Variants in LPP observed in about 807,000 individuals in gnomAD.
The protein encoded by LPP is lipoma-preferred partner.
A neutral mutation model predicts 60.4 loss-of-function variants in LPP; 38 were observed. The observed-to-expected ratio is 0.63, with a 90% CI of 0.49 to 0.83. The LOEUF is 0.83. LPP is among the 40% of genes least tolerant of loss of function. The pLI is 0.00. For missense variants in LPP, 902 were observed against 783.6 expected, an observed-to-expected ratio of 1.15 and a Z score of -1.80; for synonymous variants, 328 against 290.8, an observed-to-expected ratio of 1.13 and a Z score of -1.30.
chr3:188,170,807 A>C (rs1721381878), intron 1 of LPP, among the ~76,000 whole-genome samples: 1 of 152,108 alleles, frequency 6.6e-6, no homozygotes, highest in Non-Finnish European at 1.5e-5. Flanking sequence ...CATCTAAGGC[A>C]AGGTACCCTT....
chr3:188,650,789 T>C (rs1399746), intron 7 of LPP, among the ~76,000 whole-genome samples: 151,177 of 152,328 alleles, frequency 0.99, 75,025 homozygotes, highest in East Asian at 1. Context: ...AAACTATAAT[T>C]CATAGGCAAA....
At chr3:188,345,589 G>T (rs751960550) in intron 3 of LPP, among the ~76,000 whole-genome samples, 2 of 152,128 alleles carry the variant, frequency 1.3e-5, no homozygotes, top group Non-Finnish European at 2.9e-5. Context: ...CAAGGCCTGC[G>T]ATTCCCAATT....
intron 7 of LPP, among the ~76,000 whole-genome samples, chr3:188,673,055 G>T (rs114479334): frequency 0.028 from 4,282 of 151,758 alleles, 84 homozygotes; most frequent in South Asian, 0.089. Context: ...GTGCAACATG[G>T]TCTGTCTGTT....
At chr3:188,264,061 A>G (rs1734595357) in intron 2 of LPP, among the ~76,000 whole-genome samples, 1 of 152,290 alleles carries the variant, frequency 6.6e-6, no homozygotes, top group East Asian at 1.9e-4. Flanking sequence ...TCTTGTACAT[A>G]TCACCTTCGA....
At chr3:188,757,884 T>C (rs1286156434) in intron 8 of LPP, among the ~76,000 whole-genome samples, 1 of 100,700 alleles carries the variant, frequency 9.9e-6, no homozygotes, top group Non-Finnish European at 1.9e-5. Flanking sequence ...GGTTTTGTTT[T>C]TTTGGTTTTT....
chr3:188,857,797 A>T (rs1764192372), intron 9 of LPP, among the ~76,000 whole-genome samples: 1 of 152,208 alleles, frequency 6.6e-6, no homozygotes, highest in Non-Finnish European at 1.5e-5. Context: ...GAAAGGACAG[A>T]TATAAAATAT....
intron 1 of LPP, among the ~76,000 whole-genome samples, chr3:188,191,900 C>T (rs757010438): frequency 7.9e-5 from 12 of 152,110 alleles, no homozygotes; most frequent in Admixed American, 2.6e-4. Flanking sequence ...ATATGTATAA[C>T]ACTGTATTGA....
At chr3:188,707,390 G>T (rs759062639) in intron 7 of LPP, among the ~76,000 whole-genome samples, 1 of 152,146 alleles carries the variant, frequency 6.6e-6, no homozygotes, top group African/African-American at 2.4e-5. Context: ...TGGAGTCTTT[G>T]ATCCCTGCCC....
At chr3:188,456,331 A>C (rs1056333280) in intron 4 of LPP, among the ~76,000 whole-genome samples, 5 of 152,216 alleles carry the variant, frequency 3.3e-5, no homozygotes, top group Non-Finnish European at 5.9e-5. Context: ...TCATGGTTTA[A>C]AATATCTGAA....
At chr3:188,277,721 T>G (rs1020069465) in intron 2 of LPP, among the ~76,000 whole-genome samples, 3 of 152,150 alleles carry the variant, frequency 2.0e-5, no homozygotes, top group African/African-American at 7.2e-5. Flanking sequence ...TTCCTTGTTA[T>G]GGGATAAGGT....
intron 9 of LPP, among the ~76,000 whole-genome samples, chr3:188,865,121 A>C (rs1766260986): frequency 6.6e-6 from 1 of 152,196 alleles, no homozygotes. Flanking sequence ...AAACTCAATG[A>C]GTTAATCCAG....
At chr3:188,318,865 T>C (rs1352265599) in intron 2 of LPP, among the ~76,000 whole-genome samples, 1 of 148,388 alleles carries the variant, frequency 6.7e-6, no homozygotes, top group Admixed American at 6.8e-5. Context: ...TTCACGCCAT[T>C]CTCCTGCCTC....
chr3:188,390,150 C>G (rs904140258), intron 3 of LPP, among the ~76,000 whole-genome samples: 1 of 152,188 alleles, frequency 6.6e-6, no homozygotes, highest in Non-Finnish European at 1.5e-5. Flanking sequence ...GCCACAGTCA[C>G]AGGCCTGCTC....
rs138290658 is a variant in LPP, at chr3:188,412,351, G to T, written c.193+6038G>T. Among the ~76,000 whole-genome samples the T allele has an allele frequency of 3.4e-3, 514 of 152,190 alleles. 4 individuals carry two copies. The highest frequency in any genetic ancestry group is 0.014 in the East Asian group (71 of 5,176). ...CCATTCAGACTTTGGGTCTGCATTAGGTACCAATTCAACGTGATCATTTTG... is the reference window on the plus strand; with the variant it reads ...CCATTCAGACTTTGGGTCTGCATTATGTACCAATTCAACGTGATCATTTTG... On this transcript the variant is annotated intron_variant, in intron 4 of 11. Transcript: ENST00000617246.
At chr3:188,586,386 A>G (rs1837450805) in intron 6 of LPP, among the ~76,000 whole-genome samples, 1 of 152,222 alleles carries the variant, frequency 6.6e-6, no homozygotes, top group Non-Finnish European at 1.5e-5. Context: ...AGGGAACAGT[A>G]CAAGCACAGT....
intron 7 of LPP, among the ~76,000 whole-genome samples, chr3:188,704,757 TTTG>T (rs35521611): frequency 0.09 from 13,504 of 150,744 alleles, 762 homozygotes; most frequent in Middle Eastern, 0.14. Context: ...AGATACCTGT[TTTG>T]TTGTTGTTGT....
intron 2 of LPP, among the ~76,000 whole-genome samples, chr3:188,268,852 A>T (rs1736580859): frequency 6.6e-6 from 1 of 152,352 alleles, no homozygotes; most frequent in South Asian, 2.1e-4. Context: ...TTCAAATGTT[A>T]CTAGGTAGAT....
chr3:188,395,614 A>G lies in LPP; in HGVS notation c.-9-10498A>G, dbSNP rs77366229. Among the ~76,000 whole-genome samples, 1,008 of 152,310 alleles carry G rather than the reference A, an allele frequency of 6.6e-3. 8 individuals are homozygous for G. The highest frequency in any genetic ancestry group is 0.023 in the African/African-American group (942 of 41,562). ...CTGGAAACTTTAATTTACAATAACAATAAAATATTAATTCAATAATAGTAA... is the reference window on the plus strand; with the variant it reads ...CTGGAAACTTTAATTTACAATAACAGTAAAATATTAATTCAATAATAGTAA... On this transcript the variant is annotated intron_variant, in intron 3 of 11. Transcript: ENST00000617246.
At chr3:188,727,888 A>G (rs9847345) in intron 8 of LPP, among the ~76,000 whole-genome samples, 33,902 of 152,090 alleles carry the variant, frequency 0.22, 4,754 homozygotes, top group Middle Eastern at 0.46. Context: ...GCAAATACCT[A>G]TTTTTAATGA....
Sources: gnomAD v4.1 joint callset for allele counts (sites outside exome capture counted in the v4.1 genomes callset) on GRCh38, gnomAD v4.1.1 for gene constraint, MANE v1.5 for transcripts, NCBI Gene and HGNC (gene_info 2026-07-23, HGNC 2026-07-21) for gene names.